The following C2CD2L variants were observed in gnomAD, a reference collection of about 807,000 sequenced individuals.
The protein encoded by C2CD2L is phospholipid transfer protein C2CD2L.
Under a neutral mutation model 69.9 loss-of-function variants are expected in C2CD2L, and 24 were observed. The observed-to-expected ratio is 0.34, with a 90% confidence interval of 0.25 to 0.48. C2CD2L has a LOEUF of 0.48. C2CD2L is among the 20% of genes least tolerant of loss of function. C2CD2L has a pLI of 0.99. For synonymous variants in C2CD2L, 367 were observed against 391.0 expected (o/e 0.94, Z 0.72); for missense variants, 811 against 941.5 (o/e 0.86, Z 1.81).
upstream of C2CD2L, among the ~76,000 whole-genome samples, chr11:119,103,456 G>A (rs1387009244): frequency 6.6e-6 from 1 of 152,160 alleles, no homozygotes; most frequent in Non-Finnish European, 1.5e-5. Flanking sequence ...CAGCACTTTG[G>A]TAGGCGAAGG....
At chr11:119,111,650 G>T in intron 7 of C2CD2L, 21 bp downstream of exon 7, 1 of 1,528,576 alleles carries the variant, frequency 6.5e-7, no homozygotes, top group South Asian at 1.1e-5. Context: ...ACCCTGCCCC[G>T]ACCCCATGCT....
At position 119,118,299 on chromosome 11, in the gene C2CD2L, C is replaced by A. The variant is rs1259852736; in HGVS notation, c.*2043C>A. 1 of 152,134 alleles carries A rather than the reference C, an allele frequency of 6.6e-6. No homozygotes were observed. Among genetic ancestry groups the A allele is most frequent in the Non-Finnish European group, 1.5e-5 (1 of 68,014 alleles). The allele number at this position is 152,134 out of a possible 1,614,324, so 9.4% of individuals were successfully genotyped here. On this transcript the variant is annotated 3_prime_UTR_variant, in exon 14 of 14. Coordinates refer to ENST00000648610, the MANE Select transcript of C2CD2L (RefSeq NM_001290474.2). ...TGTCTTTTATTCCACTCTATATGTC[C>A]ATGTATACCCATTATTTAGCTCCCA...
Position 119,109,324 on chromosome 11 carries a change from G to A in C2CD2L, c.355-780G>A, listed in dbSNP as rs1305777515. ...AATTCTGTGCCCCTTCCTCAATTCT[G>A]TGTCCGCACTGCTCTCCAGGTGGGG... On this transcript the variant is annotated intron_variant, in intron 1 of 13. Transcript: ENST00000648610. The surrounding 1 kb of genome is among the most constrained non-coding windows in gnomAD (Gnocchi z 5.1). Among the ~76,000 whole-genome samples, 1 of 152,186 alleles carries A rather than the reference G, an allele frequency of 6.6e-6. No individual in the cohort carries two copies. Among genetic ancestry groups the A allele is most frequent in the Non-Finnish European group, 1.5e-5 (1 of 68,040 alleles).
chr11:119,112,952 G>A lies in C2CD2L; in HGVS notation c.1387+78G>A, dbSNP rs1451382249. On this transcript the variant is annotated intron_variant, in intron 10 of 13. Transcript: ENST00000648610. The stretch of plus-strand genomic sequence containing the variant: ...GACCCAAGGCAGGACAGTGAAAGAG[G>A]AGAGAGCCTTAATTCCAACTCCCCC... 9.0e-6 allele frequency: 11 copies of A among 1,225,084 alleles called. No individual in the cohort carries two copies. In the East Asian group the frequency reaches 1.9e-4, roughly 21 times the overall value. The allele number at this position is 1,225,084 out of a possible 1,614,324, so 75.9% of individuals were successfully genotyped here. A position where few individuals can be genotyped will look rare whatever the true frequency, so the allele number is the denominator to read the frequency against.
At position 119,110,468 on chromosome 11, in the gene C2CD2L, G is replaced by A. The variant is rs747263484; in HGVS notation, c.451-93G>A. ...GAAAACATGAAGTCCTTAGGAAAAC[G>A]GAAGTGGGGAGGGGTCTGCTGAACT... On this transcript the variant is annotated intron_variant, in intron 2 of 13. Transcript: ENST00000648610. This position sits in a 1 kb window ranked among gnomAD's most constrained non-coding sequence, Gnocchi z 5.7. The A allele has an allele frequency of 1.7e-4, 237 of 1,403,474 alleles. 1 individual carries two copies. The highest frequency in any genetic ancestry group is 2.1e-4 in the Non-Finnish European group (220 of 1,050,016). 86.9% of individuals were successfully genotyped at this position (1,403,474 alleles called of 1,614,324 possible). A position where few individuals can be genotyped will look rare whatever the true frequency, so the allele number is the denominator to read the frequency against.
chr11:119,112,908 C>T (rs780632001), intron 10 of C2CD2L, 34 bp downstream of exon 10: 134 of 1,596,920 alleles, frequency 8.4e-5, no homozygotes, highest in Non-Finnish European at 1.1e-4. Context: ...CCAGCTCTAG[C>T]CAGGGGCCCG....
In C2CD2L at chr11:119,114,042, G is replaced by T; in HGVS notation, c.1624-38G>T. 6.2e-7 allele frequency: 1 copy of T among 1,613,336 alleles called. No homozygotes were observed. Among genetic ancestry groups the T allele is most frequent in the Non-Finnish European group, 8.5e-7 (1 of 1,179,432 alleles). On this transcript the variant is annotated intron_variant, in intron 12 of 13. Transcript: ENST00000648610. The surrounding 1 kb of genome is among the most constrained non-coding windows in gnomAD (Gnocchi z 5.1). ...GATGGGGAGAAAGCCCTAATGGGTC[G>T]GTCACTCCTGCCCATTAAAACCCGT...
In C2CD2L at chr11:119,111,059, A is replaced by G. The variant is rs1307832648; in HGVS notation, c.689A>G (p.Glu230Gly). ...LPKLQARERG[E>G]EQVELSTIEE... ...CCCTTCTTCTCTCTGCAGAGAGGTG[A>G]AGAACAAGTGGAGCTCTCCACAATT... Residue 230 changes from glutamate (E) to glycine (G), a missense_variant, in exon 5 of 14, where the codon GAA becomes GGA. Physicochemically the swap from Glu to Gly is moderately conservative, Grantham distance 98. Coordinates refer to ENST00000648610, the MANE Select transcript of C2CD2L (RefSeq NM_001290474.2). 2.5e-6 allele frequency: 4 copies of G among 1,613,998 alleles called. No homozygotes were observed. In the East Asian group the frequency reaches 8.9e-5, roughly 36 times the overall value.
intron 5 of C2CD2L, 32 bp from the exon 6 acceptor site, chr11:119,111,231 T>C: frequency 6.2e-7 from 1 of 1,612,426 alleles, no homozygotes; most frequent in Non-Finnish European, 8.5e-7. Context: ...TATGTCAGGA[T>C]TCTTGCTCTT....
In C2CD2L at chr11:119,112,494, G is replaced by T. The variant is rs1946772319; in HGVS notation, c.1097G>T (p.Gly366Val). 6.2e-7 allele frequency: 1 copy of T among 1,613,718 alleles called. No individual in the cohort carries two copies. Among genetic ancestry groups the T allele is most frequent in the African/African-American group, 1.3e-5 (1 of 74,880 alleles). The change falls in exon 9 of 14, where the codon GGC becomes GTC. Residue 366 changes from glycine (G) to valine (V), a missense_variant. Transcript: ENST00000648610. ...SSSCGDTELL[G>V]QATLPVGSPS... ...TCCCTTTCCCCAGCCGAACTCCTAG[G>T]CCAGGCCACACTGCCTGTGGGCTCC...
Position 119,114,648 on chromosome 11 carries a change from T to C in C2CD2L, c.1909+283T>C, listed in dbSNP as rs919713103. On this transcript the variant is annotated intron_variant, in intron 13 of 13. Transcript: ENST00000648610. The surrounding 1 kb of genome is among the most constrained non-coding windows in gnomAD (Gnocchi z 5.1). ...TTTTTCCTGCCCTTTAAAAAAAAATTATAAAAATTTATTCCTAGGCAGGGT... is the reference window on the plus strand; with the variant it reads ...TTTTTCCTGCCCTTTAAAAAAAAATCATAAAAATTTATTCCTAGGCAGGGT... 16 of 423,548 alleles carry C rather than the reference T, an allele frequency of 3.8e-5. No homozygotes were observed. Among genetic ancestry groups the C allele is most frequent in the Non-Finnish European group, 1.3e-5 (3 of 232,554 alleles). The allele number at this position is 423,548 out of a possible 1,614,324, so 26.2% of individuals were successfully genotyped here. A position where few individuals can be genotyped will look rare whatever the true frequency, so the allele number is the denominator to read the frequency against.
chr11:119,115,225 A>G (rs1056966034), intron 13 of C2CD2L: 1 of 146,014 alleles, frequency 6.8e-6, no homozygotes, highest in African/African-American at 2.6e-5. Flanking sequence ...ACTGCACTCC[A>G]GCCTGGGTGA....
rs752555184 is a variant in C2CD2L at position 119,112,790 on chromosome 11, C to T, written c.1303C>T (p.Leu435Phe). 1.2e-6 allele frequency: 2 copies of T among 1,614,074 alleles called. No individual in the cohort carries two copies. Among genetic ancestry groups the T allele is most frequent in the Non-Finnish European group, 1.7e-6 (2 of 1,179,964 alleles). ...CATCACACCTACCAAGAAGATTGAG[C>T]TTGACCGGACCATCATGCCCGATGG... ...PSITPTKKIE[L>F]DRTIMPDGTI... Residue 435 changes from leucine (L) to phenylalanine (F), a missense_variant, in exon 10 of 14, where the codon CTT (leucine) becomes TTT (phenylalanine). Physicochemically the swap from Leu to Phe is conservative, Grantham distance 22 (BLOSUM62 0). Coordinates refer to ENST00000648610, the MANE Select transcript of C2CD2L (RefSeq NM_001290474.2).
In C2CD2L at chr11:119,114,341, A is replaced by G; in HGVS notation, c.1885A>G (p.Thr629Ala). Residue 629 changes from threonine (T) to alanine (A), a missense_variant, in exon 13 of 14, where the codon ACC becomes GCC. Thr to Ala is a moderately conservative substitution (Grantham distance 58). Coordinates refer to ENST00000648610, the MANE Select transcript of C2CD2L (RefSeq NM_001290474.2). The surrounding 1 kb of genome is among the most constrained non-coding windows in gnomAD (Gnocchi z 5.1). Reference protein sequence around the residue: ...SETGSTGALETRSLKDHKVSF... With the variant: ...SETGSTGALEARSLKDHKVSF... Reference sequence around the variant, plus strand: ...AACGGGGTCCACTGGTGCCCTGGAGACCCGCAGCCTCAAGGATCACAAAGG... The same window carrying G: ...AACGGGGTCCACTGGTGCCCTGGAGGCCCGCAGCCTCAAGGATCACAAAGG... 6.2e-7 allele frequency: 1 copy of G among 1,613,904 alleles called. No individual in the cohort carries two copies. The highest frequency in any genetic ancestry group is 1.1e-5 in the South Asian group (1 of 91,064).
In C2CD2L at chr11:119,107,973, G is replaced by A; in HGVS notation, c.232G>A (p.Gly78Ser). Residue 78 changes from glycine to serine, a missense_variant, in exon 1 of 14, where the codon GGC becomes AGC. Physicochemically the swap from Gly to Ser is moderately conservative, Grantham distance 56. Coordinates refer to ENST00000648610, the MANE Select transcript of C2CD2L (RefSeq NM_001290474.2). The surrounding 1 kb of genome is among the most constrained non-coding windows in gnomAD (Gnocchi z 5.4). ...GCTGCGGCTGCGGGCGACTCGGGCT[G>A]GCGCCGCCGAGGAGCCAGGAGTCCG... is the stretch of plus-strand genomic sequence containing the variant. ...SLLRLRATRA[G>S]AAEEPGVRGL... 6.4e-7 allele frequency: 1 copy of A among 1,556,382 alleles called. No homozygotes were observed. The highest frequency in any genetic ancestry group is 1.2e-5 in the South Asian group (1 of 85,962).
Position 119,107,612 on chromosome 11 carries a change from C to G in C2CD2L, c.-130C>G, listed in dbSNP as rs1436257401. The stretch of plus-strand genomic sequence containing the variant: ...CCCACTAGTCCTGGGCACTCAGCCG[C>G]GGAGAGCCCCCGACCCCGCGCGCCC... On this transcript the variant is annotated 5_prime_UTR_variant, in exon 1 of 14. Transcript: ENST00000648610. The surrounding 1 kb of genome is among the most constrained non-coding windows in gnomAD (Gnocchi z 5.4). 6 of 495,414 alleles carry G rather than the reference C, an allele frequency of 1.2e-5. No homozygotes were observed. Among genetic ancestry groups the G allele is most frequent in the Non-Finnish European group, 2.0e-5 (6 of 296,814 alleles). 30.7% of individuals were successfully genotyped at this position (495,414 alleles called of 1,614,324 possible). A position where few individuals can be genotyped will look rare whatever the true frequency, so the allele number is the denominator to read the frequency against.
chr11:119,102,267 C>G (rs1484828515), upstream of C2CD2L: 2 of 479,956 alleles, frequency 4.2e-6, no homozygotes, highest in Non-Finnish European at 8.5e-6. Flanking sequence ...ATGCCTCCGG[C>G]TCCAGGAAGA....
At chr11:119,102,943 G>C (rs916050652), upstream of C2CD2L, among the ~76,000 whole-genome samples, 1 of 135,206 alleles carries the variant, frequency 7.4e-6, no homozygotes, top group African/African-American at 2.8e-5. Context: ...CGCGATCTCG[G>C]CTCACCGAAA....
chr11:119,113,453 T>A, intron 10 of C2CD2L, 158 bp from the exon 11 acceptor site: 5 of 1,141,024 alleles, frequency 4.4e-6, no homozygotes, highest in Non-Finnish European at 6.1e-6. Flanking sequence ...GGGTGTCTTT[T>A]AGTCCCCACG....
Sources: gnomAD v4.1 joint callset for allele counts (sites outside exome capture counted in the v4.1 genomes callset) on GRCh38, gnomAD v4.1.1 for gene constraint, Gnocchi (gnomAD v3.1) non-coding constraint, MANE v1.5 for transcripts, NCBI Gene and HGNC (gene_info 2026-07-23, HGNC 2026-07-21) for gene names.